The following LYPD6B variants were observed in gnomAD, a reference collection of about 807,000 sequenced individuals.
LYPD6B encodes LY6/PLAUR domain containing 6B.
LYPD6B carries 17 observed loss-of-function variants against 22.8 expected under a neutral mutation model. That is an observed-to-expected ratio of 0.75 (90% CI 0.51 to 1.12). LYPD6B has a LOEUF of 1.12. LYPD6B is among the 50% of genes most tolerant of loss of function. The pLI is 0.00. For missense variants in LYPD6B, 221 were observed against 258.3 expected (o/e 0.86, Z 0.99); for synonymous variants, 106 against 91.6 (o/e 1.16, Z -0.90).
intron 1 of LYPD6B, chr2:149,069,023 C>A (rs910173136): frequency 1.3e-5 from 2 of 154,400 alleles, no homozygotes; most frequent in Admixed American, 1.3e-4. Flanking sequence ...CTGTCCATAC[C>A]TTTCTGAAGT....
chr2:149,064,679 A>C (rs1654610324), intron 1 of LYPD6B, among the ~76,000 whole-genome samples: 1 of 152,160 alleles, frequency 6.6e-6, no homozygotes, highest in African/African-American at 2.4e-5. Flanking sequence ...CAGAATTCCC[A>C]CTGCATGTAA....
intron 1 of LYPD6B, among the ~76,000 whole-genome samples, chr2:149,061,668 C>A (rs10930031): frequency 0.18 from 26,634 of 151,980 alleles, 2,530 homozygotes; most frequent in East Asian, 0.38. Context: ...CATTCTTTTG[C>A]CAGCATGTAA....
chr2:149,103,869 C>T (rs1251974625), intron 1 of LYPD6B, among the ~76,000 whole-genome samples: 4 of 149,542 alleles, frequency 2.7e-5, no homozygotes, highest in Admixed American at 1.3e-4. Context: ...TTCTGGCTCC[C>T]GGGTGCAAGC....
At chr2:149,065,843 G>A (rs148993672) in intron 1 of LYPD6B, among the ~76,000 whole-genome samples, 3,527 of 152,122 alleles carry the variant, frequency 0.023, 141 homozygotes, top group African/African-American at 0.082. Context: ...CAAGTAGCTG[G>A]GACTACAGGG....
intron 1 of LYPD6B, among the ~76,000 whole-genome samples, chr2:149,095,619 C>G (rs539978650): frequency 1.3e-5 from 2 of 152,056 alleles, no homozygotes; most frequent in South Asian, 4.2e-4. Context: ...GGAGTGAGAA[C>G]AAAACCATGA....
intron 1 of LYPD6B, among the ~76,000 whole-genome samples, chr2:149,087,393 T>C (rs1032245648): frequency 3.9e-5 from 6 of 152,196 alleles, no homozygotes; most frequent in Non-Finnish European, 1.5e-5. Flanking sequence ...AAGCAGTCAT[T>C]AAATATTCTT....
intron 3 of LYPD6B, among the ~76,000 whole-genome samples, chr2:149,191,271 A>T (rs1306749057): frequency 6.6e-6 from 1 of 152,174 alleles, no homozygotes; most frequent in African/African-American, 2.4e-5. Flanking sequence ...TAAGATAACA[A>T]CAATTCTTTA....
chr2:149,134,530 T>G (rs1688238341), intron 2 of LYPD6B, among the ~76,000 whole-genome samples: 1 of 152,258 alleles, frequency 6.6e-6, no homozygotes, highest in South Asian at 2.1e-4. Flanking sequence ...GTTGTTTTAC[T>G]GCCCCTGCAA....
Position 149,135,850 on chromosome 2 carries a change from G to A in LYPD6B, c.5+4897G>A, listed in dbSNP as rs79112717. 9.0e-3 allele frequency among the ~76,000 whole-genome samples: 1,362 copies of A among 151,696 alleles called. 26 individuals are homozygous for A. The highest frequency in any genetic ancestry group is 0.031 in the African/African-American group (1,297 of 41,340). ...GAGAGATACTTTATTAAGAACCAGAGCTGATACCTTATGTCACATTAAGGG... is the reference window on the plus strand; with the variant it reads ...GAGAGATACTTTATTAAGAACCAGAACTGATACCTTATGTCACATTAAGGG... On this transcript the variant is annotated intron_variant, in intron 2 of 6. Transcript: ENST00000409642.
intron 1 of LYPD6B, among the ~76,000 whole-genome samples, chr2:149,082,180 G>T (rs1467763304): frequency 6.6e-6 from 1 of 152,122 alleles, no homozygotes; most frequent in Non-Finnish European, 1.5e-5. Flanking sequence ...ATATCTGTCT[G>T]CTGTAACTCT....
intron 1 of LYPD6B, among the ~76,000 whole-genome samples, chr2:149,097,924 A>T (rs1685980929): frequency 6.6e-6 from 1 of 152,156 alleles, no homozygotes; most frequent in South Asian, 2.1e-4. Flanking sequence ...TAATGCATAG[A>T]CATATAGTGT....
chr2:149,120,012 A>T (rs1056190211), intron 1 of LYPD6B, among the ~76,000 whole-genome samples: 10 of 152,110 alleles, frequency 6.6e-5, no homozygotes, highest in Non-Finnish European at 4.4e-5. Context: ...CCTACTGCAG[A>T]GAAAAGGAAT....
intron 3 of LYPD6B, among the ~76,000 whole-genome samples, chr2:149,190,042 T>C (rs1692392722): frequency 6.6e-6 from 1 of 152,238 alleles, no homozygotes; most frequent in African/African-American, 2.4e-5. Flanking sequence ...AAATGAGTTA[T>C]ACTCTGAGAA....
At chr2:149,136,641 G>A (rs188030125) in intron 2 of LYPD6B, among the ~76,000 whole-genome samples, 2 of 152,362 alleles carry the variant, frequency 1.3e-5, no homozygotes, top group East Asian at 1.9e-4. Context: ...AAAACAAATT[G>A]TAAGGGTGTT....
At chr2:149,070,613 C>G (rs1451578282) in intron 1 of LYPD6B, among the ~76,000 whole-genome samples, 1 of 152,158 alleles carries the variant, frequency 6.6e-6, no homozygotes. Flanking sequence ...GTGAATGACT[C>G]TTGTTGGCTT....
intron 2 of LYPD6B, among the ~76,000 whole-genome samples, chr2:149,132,843 T>C (rs1688115369): frequency 6.6e-6 from 1 of 152,212 alleles, no homozygotes; most frequent in South Asian, 2.1e-4. Context: ...TCAAAGTCTG[T>C]CCAAAGCCCT....
intron 3 of LYPD6B, among the ~76,000 whole-genome samples, chr2:149,197,301 C>G (rs1448711225): frequency 2.0e-5 from 3 of 152,142 alleles, no homozygotes; most frequent in Non-Finnish European, 4.4e-5. Context: ...ATCACAAGGT[C>G]AAGAGATCGA....
intron 3 of LYPD6B, among the ~76,000 whole-genome samples, chr2:149,181,745 C>T (rs56319736): frequency 0.043 from 6,556 of 152,244 alleles, 180 homozygotes; most frequent in Non-Finnish European, 0.067. Flanking sequence ...ATCCATTTCA[C>T]GAAATCATTC....
intron 1 of LYPD6B, among the ~76,000 whole-genome samples, chr2:149,100,416 C>CAAA (rs58068035): frequency 0.21 from 14,364 of 68,202 alleles, 2,099 homozygotes; most frequent in East Asian, 0.38. Context: ...TTGGCTTTGA[C>CAAA]AAAAAAAAAA....
Sources: gnomAD v4.1 joint callset for allele counts (sites outside exome capture counted in the v4.1 genomes callset) on GRCh38, gnomAD v4.1.1 for gene constraint, MANE v1.5 for transcripts, NCBI Gene and HGNC (gene_info 2026-07-23, HGNC 2026-07-21) for gene names.